Variants in HTT observed in about 807,000 individuals in gnomAD.
HTT encodes the protein huntington disease protein.
HTT carries 104 observed loss-of-function variants against 362.3 expected under a neutral mutation model. That is an observed-to-expected ratio of 0.29 (90% CI 0.24 to 0.34). The LOEUF (loss-of-function observed/expected upper bound fraction) is 0.34. HTT is among the 10% of genes least tolerant of loss of function. The pLI, the probability that HTT is intolerant of heterozygous loss-of-function variation, is 1.00. For synonymous variants in HTT, 1,577 were observed against 1,548.7 expected (o/e 1.02, Z -0.43); for missense variants, 3,301 against 3,928.6 (o/e 0.84, Z 4.27).
intron 60 of HTT, among the ~76,000 whole-genome samples, chr4:3,231,249 A>G (rs891731282): frequency 3.3e-5 from 5 of 152,130 alleles, no homozygotes; most frequent in African/African-American, 1.2e-4. Flanking sequence ...TGAGAATGGC[A>G]TGGTGGTGCC....
chr4:3,102,171 A>C (rs1478794047), intron 3 of HTT, among the ~76,000 whole-genome samples: 2 of 152,182 alleles, frequency 1.3e-5, no homozygotes, highest in African/African-American at 4.8e-5. Flanking sequence ...TAGACCCAGC[A>C]GGAGTGCAGG....
intron 21 of HTT, among the ~76,000 whole-genome samples, chr4:3,137,163 C>T (rs532439856): frequency 7.9e-5 from 12 of 152,126 alleles, no homozygotes; most frequent in African/African-American, 2.9e-4. Flanking sequence ...GCATTGGCCT[C>T]CCAAAGTGCT....
At chr4:3,168,795 G>C (rs2110227349) in intron 29 of HTT, among the ~76,000 whole-genome samples, 1 of 152,266 alleles carries the variant, frequency 6.6e-6, no homozygotes, top group Non-Finnish European at 1.5e-5. Flanking sequence ...AGGATTGCTT[G>C]AGCCTTGGGA....
chr4:3,196,693 G>A (rs897910097), intron 40 of HTT, among the ~76,000 whole-genome samples: 22 of 151,550 alleles, frequency 1.5e-4, no homozygotes, highest in African/African-American at 4.1e-4. Context: ...GGCTGTGATC[G>A]TGCCACTGTA....
chr4:3,075,800 C>A (rs78337768), intron 1 of HTT, among the ~76,000 whole-genome samples: 7 of 152,182 alleles, frequency 4.6e-5, no homozygotes, highest in African/African-American at 1.4e-4. Context: ...TTAAGCACCA[C>A]CTAAGAGATC....
At chr4:3,147,727 G>T (rs1022746822) in intron 25 of HTT, among the ~76,000 whole-genome samples, 2 of 152,132 alleles carry the variant, frequency 1.3e-5, no homozygotes, top group African/African-American at 4.8e-5. Flanking sequence ...GAATTGCCAG[G>T]CCTGGTTCAC....
Position 3,238,563 on chromosome 4 carries a change from C to G in HTT, c.9008C>G (p.Ser3003Cys). 6.2e-7 allele frequency: 1 copy of G among 1,613,048 alleles called. No individual in the cohort carries two copies. Among genetic ancestry groups the G allele is most frequent in the South Asian group, 1.1e-5 (1 of 90,670 alleles). Reference sequence around the variant, plus strand: ...AACAAAGTCATCGGAGAGTTTCTGTCCAACCAGCAGCCATACCCCCAGTTC... The same window carrying G: ...AACAAAGTCATCGGAGAGTTTCTGTGCAACCAGCAGCCATACCCCCAGTTC... ...IMNKVIGEFL[S>C]NQQPYPQFMA... is the part of the protein sequence containing the mutation. Residue 3003 changes from serine (S) to cysteine (C), a missense_variant, in exon 65 of 67, where the codon TCC (serine) becomes TGC (cysteine). By Grantham distance (112) the Ser-to-Cys change is moderately radical. This residue lies in a region of HTT where 753 missense variants were observed against 1,021.3 expected (regional missense o/e 0.74). Coordinates refer to ENST00000355072, the MANE Select transcript of HTT (RefSeq NM_001388492.1).
intron 48 of HTT, 63 bp downstream of exon 48, chr4:3,212,205 C>A: frequency 7.9e-7 from 1 of 1,258,138 alleles, no homozygotes; most frequent in Non-Finnish European, 1.1e-6. Context: ...TAGTACTTTG[C>A]ACCAAGTAAA....
Position 3,229,884 on chromosome 4 carries a change from C to T in HTT, c.8110-3C>T, listed in dbSNP as rs768215383. On this transcript the variant is annotated splice_polypyrimidine_tract_variant and splice_region_variant and intron_variant, in intron 59 of 66. Coordinates refer to ENST00000355072, the MANE Select transcript of HTT (RefSeq NM_001388492.1). ...TTGCCCTCCTGGTTTTCCACATCTC[C>T]AGCTTCTAGTGGTCTCAGACTTGTT... The T allele has an allele frequency of 3.7e-6, 6 of 1,613,868 alleles. No homozygotes were observed. The highest frequency in any genetic ancestry group is 5.1e-6 in the Non-Finnish European group (6 of 1,179,858).
chr4:3,216,390 C>T (rs1377865910), intron 51 of HTT, among the ~76,000 whole-genome samples: 1 of 152,206 alleles, frequency 6.6e-6, no homozygotes, highest in Non-Finnish European at 1.5e-5. Context: ...AGTGGCACCT[C>T]AGGCTGTGGA....
intron 2 of HTT, among the ~76,000 whole-genome samples, chr4:3,098,361 G>T (rs1386051275): frequency 6.6e-6 from 1 of 152,214 alleles, no homozygotes; most frequent in Non-Finnish European, 1.5e-5. Flanking sequence ...TAGAGATAAA[G>T]AGAAAGAGAC....
At chr4:3,225,633 T>A (rs1485966863) in intron 56 of HTT, 28 bp from the exon 57 acceptor site, 4 of 1,605,092 alleles carry the variant, frequency 2.5e-6, no homozygotes, top group Non-Finnish European at 2.6e-6. Flanking sequence ...CCTGTGCAGA[T>A]CAAGACTCAG....
chr4:3,076,356 A>G lies in HTT; in HGVS notation c.263+1268A>G, dbSNP rs74815953. Reference sequence around the variant, plus strand: ...GTGTCCCAGATGGCATTTGGTAAGAATATCTCTGTTAAGACTGATTAATTT... The same window carrying G: ...GTGTCCCAGATGGCATTTGGTAAGAGTATCTCTGTTAAGACTGATTAATTT... On this transcript the variant is annotated intron_variant, in intron 1 of 66. Coordinates refer to ENST00000355072, the MANE Select transcript of HTT (RefSeq NM_001388492.1). Among the ~76,000 whole-genome samples, 1,014 of 152,286 alleles carry G rather than the reference A, an allele frequency of 6.7e-3. 13 individuals carry two copies. The highest frequency in any genetic ancestry group is 0.023 in the African/African-American group (952 of 41,566).
chr4:3,185,774 G>T (rs1021670679), intron 37 of HTT, among the ~76,000 whole-genome samples: 2 of 152,172 alleles, frequency 1.3e-5, no homozygotes, highest in Non-Finnish European at 2.9e-5. Flanking sequence ...GTAGCTGGGT[G>T]TGGTGGTGTG....
intron 18 of HTT, 133 bp downstream of exon 18, chr4:3,133,044 C>A: frequency 1.4e-6 from 1 of 703,142 alleles, no homozygotes; most frequent in Admixed American, 2.4e-5. Context: ...CACCATGTAT[C>A]CATCTCTCAG....
intron 21 of HTT, 39 bp from the exon 22 acceptor site, chr4:3,140,471 T>G: frequency 6.2e-7 from 1 of 1,605,940 alleles, no homozygotes; most frequent in Non-Finnish European, 8.5e-7. Flanking sequence ...GTGAGTTTCA[T>G]CTACTTTCTT....
intron 2 of HTT, among the ~76,000 whole-genome samples, chr4:3,089,986 A>G (rs1204468117): frequency 1.3e-5 from 2 of 152,222 alleles, no homozygotes; most frequent in Admixed American, 6.5e-5. Flanking sequence ...TTCATAGGAT[A>G]CACTCTATAC....
intron 40 of HTT, among the ~76,000 whole-genome samples, chr4:3,189,796 A>T (rs1256557135): frequency 6.6e-6 from 1 of 152,216 alleles, no homozygotes; most frequent in Non-Finnish European, 1.5e-5. Context: ...AGGCCAAGGC[A>T]GGAGGATTGC....
chr4:3,081,575 T>TG (rs1486601383), intron 1 of HTT, among the ~76,000 whole-genome samples: 3 of 146,862 alleles, frequency 2.0e-5, no homozygotes, highest in African/African-American at 7.6e-5. Context: ...TTTTTTTTTT[T>TG]GAGACGGAGT....
Sources: allele counts gnomAD v4.1 joint callset (sites outside exome capture counted in the v4.1 genomes callset), GRCh38; gene constraint gnomAD v4.1.1; regional missense constraint gnomAD v4.1.1; transcripts MANE v1.5; gene names NCBI Gene and HGNC (gene_info 2026-07-23, HGNC 2026-07-21).